The following IL1R1 variants were observed in gnomAD, a reference collection of about 807,000 sequenced individuals.
IL1R1 encodes the protein interleukin-1 receptor type 1.
IL1R1 carries 22 observed loss-of-function variants against 50.2 expected under a neutral mutation model. The ratio of observed to expected loss-of-function variants is 0.44; its 90% CI spans 0.31 to 0.63. IL1R1 has a LOEUF of 0.63. Ranked by LOEUF, IL1R1 falls within the 20% of genes least tolerant of loss-of-function variation. The pLI is 0.07. For missense variants in IL1R1, 509 were observed against 676.2 expected (o/e 0.75, Z 2.74); for synonymous variants, 251 against 236.7 (o/e 1.06, Z -0.55).
At chr2:102,072,807 T>A (rs1386594408) in intron 1 of IL1R1, among the ~76,000 whole-genome samples, 2 of 152,200 alleles carry the variant, frequency 1.3e-5, no homozygotes, top group Admixed American at 1.3e-4. Context: ...AAGTTTTCGC[T>A]TTTTTGTAGG....
At chr2:102,114,354 G>C (rs1019322546) in intron 1 of IL1R1, among the ~76,000 whole-genome samples, 2 of 152,240 alleles carry the variant, frequency 1.3e-5, no homozygotes, top group African/African-American at 4.8e-5. Flanking sequence ...AGTATCAGCT[G>C]TCTGCTAAAG....
At chr2:102,169,099 TAAA>T (rs1270082255) in intron 7 of IL1R1, among the ~76,000 whole-genome samples, 1 of 152,192 alleles carries the variant, frequency 6.6e-6, no homozygotes. Flanking sequence ...TTTGACATCT[TAAA>T]GAACTTCTGA....
intron 1 of IL1R1, among the ~76,000 whole-genome samples, chr2:102,075,870 T>G (rs1400392787): frequency 6.6e-6 from 1 of 152,224 alleles, no homozygotes; most frequent in Admixed American, 6.5e-5. Flanking sequence ...ATCAATCTAT[T>G]GGCAGTGTAT....
chr2:102,152,954 A>G (rs1205067499), intron 1 of IL1R1, among the ~76,000 whole-genome samples: 1 of 151,606 alleles, frequency 6.6e-6, no homozygotes, highest in African/African-American at 2.4e-5. Context: ...TAGGTCTTAC[A>G]AGCTTTTCAA....
intron 1 of IL1R1, among the ~76,000 whole-genome samples, chr2:102,115,052 C>T (rs1680991513): frequency 6.6e-6 from 1 of 152,152 alleles, no homozygotes. Flanking sequence ...TAGTTGTCAA[C>T]CCTGGCTGCA....
intron 1 of IL1R1, among the ~76,000 whole-genome samples, chr2:102,108,238 G>T (rs1252085112): frequency 1.0e-5 from 1 of 96,082 alleles, no homozygotes; most frequent in African/African-American, 4.3e-5. Flanking sequence ...ATGTGTGTGT[G>T]TGTGGGGGGG....
chr2:102,175,917 C>T (rs1686090843), intron 11 of IL1R1: 1 of 575,962 alleles, frequency 1.7e-6, no homozygotes, highest in Admixed American at 3.2e-5. Flanking sequence ...TACAATTAAA[C>T]AGGAGTGGTA....
chr2:102,143,418 A>T (rs957374772), intron 1 of IL1R1, among the ~76,000 whole-genome samples: 8 of 152,098 alleles, frequency 5.3e-5, no homozygotes, highest in Admixed American at 5.2e-4. Flanking sequence ...CACACTGGGG[A>T]GGGTAACTTG....
At chr2:102,099,478 G>A (rs561714359) in intron 1 of IL1R1, among the ~76,000 whole-genome samples, 1 of 152,130 alleles carries the variant, frequency 6.6e-6, no homozygotes, top group Non-Finnish European at 1.5e-5. Flanking sequence ...CCATCTCTGG[G>A]TTAGGGTACC....
At chr2:102,152,668 G>A (rs1683793786) in intron 1 of IL1R1, among the ~76,000 whole-genome samples, 1 of 151,290 alleles carries the variant, frequency 6.6e-6, no homozygotes, top group South Asian at 2.1e-4. Context: ...ATAATTCCCA[G>A]CAGCTGCTTT....
intron 1 of IL1R1, among the ~76,000 whole-genome samples, chr2:102,106,106 G>A (rs147147369): frequency 4.6e-5 from 7 of 152,110 alleles, no homozygotes; most frequent in African/African-American, 1.2e-4. Flanking sequence ...TGAATTTTTC[G>A]CTGTGTTGGT....
chr2:102,118,678 C>T (rs758261823), intron 1 of IL1R1, among the ~76,000 whole-genome samples: 2 of 152,124 alleles, frequency 1.3e-5, no homozygotes, highest in African/African-American at 2.4e-5. Flanking sequence ...TCCTTGACAT[C>T]GCTTCAATCC....
intron 1 of IL1R1, among the ~76,000 whole-genome samples, chr2:102,116,474 C>T (rs894375289): frequency 1.3e-5 from 2 of 152,148 alleles, no homozygotes; most frequent in Non-Finnish European, 2.9e-5. Context: ...ATGGCTGACT[C>T]TTCTGCAAAT....
chr2:102,095,443 T>C (rs959365334), intron 1 of IL1R1, among the ~76,000 whole-genome samples: 1 of 152,180 alleles, frequency 6.6e-6, no homozygotes, highest in African/African-American at 2.4e-5. Flanking sequence ...TACTTAAAAA[T>C]TTTTACATTA....
intron 1 of IL1R1, among the ~76,000 whole-genome samples, chr2:102,082,598 G>T (rs1248683365): frequency 1.3e-5 from 2 of 151,930 alleles, no homozygotes; most frequent in East Asian, 3.9e-4. Flanking sequence ...TGGTTTTCTT[G>T]ATTTTTCTTA....
At chr2:102,088,030 C>A (rs1456098784) in intron 1 of IL1R1, among the ~76,000 whole-genome samples, 1 of 152,122 alleles carries the variant, frequency 6.6e-6, no homozygotes. Flanking sequence ...ATTTTCACCA[C>A]ATCTGCAGTT....
intron 1 of IL1R1, among the ~76,000 whole-genome samples, chr2:102,144,021 T>C (rs1346325493): frequency 6.6e-6 from 1 of 152,180 alleles, no homozygotes; most frequent in African/African-American, 2.4e-5. Flanking sequence ...GAAACAGAAC[T>C]CCATGACTAT....
intron 1 of IL1R1, among the ~76,000 whole-genome samples, chr2:102,123,931 C>T (rs887044215): frequency 9.9e-5 from 15 of 151,464 alleles, no homozygotes; most frequent in African/African-American, 3.6e-4. Flanking sequence ...AGATGGTGAA[C>T]AAGAGGGAGA....
chr2:102,171,566 C>T (rs1045589736), intron 7 of IL1R1, among the ~76,000 whole-genome samples: 5 of 152,008 alleles, frequency 3.3e-5, no homozygotes, highest in Non-Finnish European at 7.4e-5. Flanking sequence ...ACAGTAATTA[C>T]AAAATAGTAG....
Sources: gnomAD v4.1 joint callset for allele counts (sites outside exome capture counted in the v4.1 genomes callset) on GRCh38, gnomAD v4.1.1 for gene constraint, MANE v1.5 for transcripts, NCBI Gene and HGNC (gene_info 2026-07-23, HGNC 2026-07-21) for gene names.